The following STXBP5L variants were observed in gnomAD, a reference collection of about 807,000 sequenced individuals.
STXBP5L encodes the protein syntaxin-binding protein 5-like.
A neutral mutation model predicts 144.5 loss-of-function variants in STXBP5L; 65 were observed. That is an observed-to-expected ratio of 0.45 (90% confidence interval 0.37 to 0.55). The LOEUF (loss-of-function observed/expected upper bound fraction) is 0.55. Among genes scored for constraint, STXBP5L ranks in the 20% least tolerant of loss-of-function variants. The pLI is 0.00. For synonymous variants in STXBP5L, 505 were observed against 469.6 expected (o/e 1.08, Z -0.97); for missense variants, 1,298 against 1,405.5 (o/e 0.92, Z 1.22).
intron 19 of STXBP5L, among the ~76,000 whole-genome samples, chr3:121,299,310 C>G (rs983696139): frequency 6.6e-6 from 1 of 152,100 alleles, no homozygotes; most frequent in African/African-American, 2.4e-5. Context: ...GTTTCATATT[C>G]ATAGAAACCT....
At chr3:120,996,162 G>A (rs1411475235) in intron 3 of STXBP5L, among the ~76,000 whole-genome samples, 2 of 151,796 alleles carry the variant, frequency 1.3e-5, no homozygotes, top group Non-Finnish European at 2.9e-5. Context: ...TTTTCTGGCT[G>A]CTTTCCATAT....
intron 3 of STXBP5L, among the ~76,000 whole-genome samples, chr3:120,996,967 A>T (rs535227413): frequency 6.6e-6 from 1 of 152,194 alleles, no homozygotes; most frequent in African/African-American, 2.4e-5. Flanking sequence ...GACCACCCTG[A>T]AGTAGGCACT....
chr3:121,042,083 T>C (rs1327486679), intron 4 of STXBP5L, among the ~76,000 whole-genome samples: 2 of 152,150 alleles, frequency 1.3e-5, no homozygotes, highest in Admixed American at 6.6e-5. Context: ...CATTAATTTT[T>C]TTTCTATACA....
At chr3:121,409,793 AAC>A (rs1243243338) in intron 23 of STXBP5L, among the ~76,000 whole-genome samples, 1 of 151,954 alleles carries the variant, frequency 6.6e-6, no homozygotes, top group Non-Finnish European at 1.5e-5. Context: ...GAATAGTTGC[AAC>A]AGAGACTATA....
chr3:121,126,953 ACC>A (rs2107875638), intron 7 of STXBP5L, among the ~76,000 whole-genome samples: 1 of 152,288 alleles, frequency 6.6e-6, no homozygotes, highest in East Asian at 1.9e-4. Context: ...CCTCTTTCTC[ACC>A]ACAACTGGGA....
rs1180027909 is a variant in STXBP5L at position 121,121,700 on chromosome 3, G to T, written c.665G>T (p.Gly222Val). Residue 222 changes from glycine to valine, a missense_variant, in exon 7 of 27, where the codon GGC becomes GTC. Transcript: ENST00000471454. Reference protein sequence around the residue: ...VHLSDSPRDEGKLLIGYENGT... With the variant: ...VHLSDSPRDEVKLLIGYENGT... The stretch of plus-strand genomic sequence containing the variant: ...TTAAGCGATAGCCCAAGAGATGAAG[G>T]CAAAGTGAGTATTATGATATCTTTA... 2.5e-6 allele frequency: 4 copies of T among 1,594,254 alleles called. No individual in the cohort carries two copies. Among genetic ancestry groups the T allele is most frequent in the Admixed American group, 1.7e-5 (1 of 59,588 alleles).
At chr3:121,047,130 G>A (rs1947572564) in intron 5 of STXBP5L, among the ~76,000 whole-genome samples, 1 of 152,008 alleles carries the variant, frequency 6.6e-6, no homozygotes, top group Admixed American at 6.6e-5. Flanking sequence ...TTCAGGACCA[G>A]GTTGTTTAAT....
At chr3:121,203,713 T>C (rs139619315) in intron 9 of STXBP5L, among the ~76,000 whole-genome samples, 1 of 152,342 alleles carries the variant, frequency 6.6e-6, no homozygotes, top group Non-Finnish European at 1.5e-5. Flanking sequence ...CTGAAATCAA[T>C]TGATGACTCT....
chr3:121,164,825 T>A lies in STXBP5L; in HGVS notation c.877+7198T>A, dbSNP rs191642954. ...TATTGCATTGTCTCACATGTGAAAT[T>A]TTTTTTAAAAAGTCAAATATACTGA... On this transcript the variant is annotated intron_variant, in intron 9 of 26. Transcript: ENST00000471454. Among the ~76,000 whole-genome samples the A allele has an allele frequency of 5.3e-5, 8 of 152,246 alleles. No homozygotes were observed. In the East Asian group the frequency reaches 1.2e-3, roughly 22 times the overall value.
In STXBP5L at chr3:120,959,765, T is replaced by G. The variant is rs373131193; in HGVS notation, c.287+4728T>G. 1.1e-3 allele frequency among the ~76,000 whole-genome samples: 174 copies of G among 152,264 alleles called. 1 individual carries two copies. The South Asian group carries it at 0.012, about 11-fold the overall frequency. On this transcript the variant is annotated intron_variant, in intron 3 of 26. Coordinates refer to ENST00000471454, the MANE Select transcript of STXBP5L (RefSeq NM_001308330.2). The stretch of plus-strand genomic sequence containing the variant: ...ATACAAAAATTAATTCAAGATGGAT[T>G]AAAGAATTAAATGTTAGACCTAAAA...
intron 9 of STXBP5L, among the ~76,000 whole-genome samples, chr3:121,166,875 A>G (rs190246153): frequency 1.2e-4 from 19 of 152,336 alleles, no homozygotes; most frequent in Non-Finnish European, 2.4e-4. Context: ...ATATAAAGAG[A>G]AAGAATATGA....
chr3:121,396,133 C>T (rs934553678), intron 22 of STXBP5L, among the ~76,000 whole-genome samples: 1 of 152,234 alleles, frequency 6.6e-6, no homozygotes, highest in Non-Finnish European at 1.5e-5. Context: ...TCTGTAGATG[C>T]TGTTCAGCTG....
At chr3:121,227,137 T>C (rs950370325) in intron 11 of STXBP5L, among the ~76,000 whole-genome samples, 1 of 152,184 alleles carries the variant, frequency 6.6e-6, no homozygotes, top group Non-Finnish European at 1.5e-5. Flanking sequence ...AAAAAGCAAA[T>C]GCTTCCACCT....
At chr3:121,204,013 G>A (rs1325995540) in intron 9 of STXBP5L, among the ~76,000 whole-genome samples, 2 of 152,076 alleles carry the variant, frequency 1.3e-5, no homozygotes, top group East Asian at 3.9e-4. Flanking sequence ...CTGAGAACAG[G>A]TGGATCACGA....
chr3:121,265,472 G>C (rs1489902498), intron 18 of STXBP5L, among the ~76,000 whole-genome samples: 1 of 152,226 alleles, frequency 6.6e-6, no homozygotes, highest in African/African-American at 2.4e-5. Context: ...AGCTAAAGCA[G>C]TGTTTAGAGG....
At chr3:121,259,352 A>G (rs1208032257) in intron 18 of STXBP5L, among the ~76,000 whole-genome samples, 184 bp downstream of exon 18, 1 of 151,996 alleles carries the variant, frequency 6.6e-6, no homozygotes, top group Non-Finnish European at 1.5e-5. Context: ...TTGAAGTCAA[A>G]CCTGTGATAG....
intron 5 of STXBP5L, among the ~76,000 whole-genome samples, chr3:121,053,065 A>T (rs1042885353): frequency 4.6e-5 from 7 of 152,210 alleles, no homozygotes; most frequent in East Asian, 1.9e-4. Flanking sequence ...TTCAAGGAGA[A>T]CTACAAACCA....
intron 24 of STXBP5L, among the ~76,000 whole-genome samples, chr3:121,415,242 C>G (rs1349291373): frequency 6.6e-6 from 1 of 152,082 alleles, no homozygotes; most frequent in Non-Finnish European, 1.5e-5. Flanking sequence ...GAGAGTACAT[C>G]TATGTAGAGT....
At chr3:121,201,944 C>A (rs550707350) in intron 9 of STXBP5L, among the ~76,000 whole-genome samples, 3 of 152,246 alleles carry the variant, frequency 2.0e-5, no homozygotes, top group African/African-American at 7.2e-5. Context: ...TTAGTAAGGA[C>A]AGGGTTTCAC....
Sources: allele counts gnomAD v4.1 joint callset (sites outside exome capture counted in the v4.1 genomes callset), GRCh38; gene constraint gnomAD v4.1.1; transcripts MANE v1.5; gene names NCBI Gene and HGNC (gene_info 2026-07-23, HGNC 2026-07-21).